The following ARL15 variants were observed in gnomAD, a reference collection of about 807,000 sequenced individuals.
ARL15 encodes the protein ARF like GTPase 15, also known as ADP-ribosylation factor-like protein 15.
In ARL15, 19 loss-of-function variants were observed where a neutral mutation model predicts 25.2. That is an observed-to-expected ratio of 0.75 (90% CI 0.53 to 1.10). The LOEUF (loss-of-function observed/expected upper bound fraction) is 1.10, where lower values mean the gene tolerates loss of function less well. Among genes scored for constraint, ARL15 ranks in the 50% least tolerant of loss-of-function variants. ARL15 has a pLI of 0.00. For synonymous variants in ARL15, 94 were observed against 86.8 expected (o/e 1.08, Z -0.46); for missense variants, 220 against 246.0 (o/e 0.89, Z 0.71).
intron 4 of ARL15, among the ~76,000 whole-genome samples, chr5:53,992,489 T>C (rs568128795): frequency 5.3e-5 from 8 of 152,350 alleles, no homozygotes; most frequent in Non-Finnish European, 8.8e-5. Context: ...AGGCAATACT[T>C]TTATGGCAGT....
At chr5:54,139,642 A>G (rs1325119672) in intron 3 of ARL15, among the ~76,000 whole-genome samples, 1 of 152,106 alleles carries the variant, frequency 6.6e-6, no homozygotes, top group African/African-American at 2.4e-5. Context: ...ACCAAAAACC[A>G]CTTGTACCTC....
intron 4 of ARL15, among the ~76,000 whole-genome samples, chr5:54,078,697 A>G (rs1226706249): frequency 4.6e-5 from 3 of 65,330 alleles, no homozygotes; most frequent in Non-Finnish European, 1.1e-4. Context: ...AACATTTCCT[A>G]AACAAAACAA....
chr5:53,925,675 GCAT>G (rs1745995779), intron 4 of ARL15, among the ~76,000 whole-genome samples: 1 of 152,080 alleles, frequency 6.6e-6, no homozygotes, highest in South Asian at 2.1e-4. Flanking sequence ...GGGCATGGTG[GCAT>G]GTGCCTGTAG....
intron 3 of ARL15, among the ~76,000 whole-genome samples, chr5:54,141,265 T>TA (rs1360312527): frequency 6.6e-6 from 1 of 152,200 alleles, no homozygotes; most frequent in Non-Finnish European, 1.5e-5. Context: ...TTCTTTATCT[T>TA]AGAGTTTGAA....
At chr5:54,059,198 A>G (rs1343903560) in intron 4 of ARL15, among the ~76,000 whole-genome samples, 1 of 152,228 alleles carries the variant, frequency 6.6e-6, no homozygotes, top group Non-Finnish European at 1.5e-5. Context: ...ATAGAAACAC[A>G]GGAATTAAGT....
At chr5:54,263,013 T>A (rs948711427) in intron 1 of ARL15, among the ~76,000 whole-genome samples, 9 of 152,180 alleles carry the variant, frequency 5.9e-5, no homozygotes, top group African/African-American at 1.9e-4. Flanking sequence ...GAAAGTAGGA[T>A]AACAATATGG....
intron 4 of ARL15, among the ~76,000 whole-genome samples, chr5:54,006,320 A>G (rs1420868240): frequency 1.3e-5 from 2 of 152,282 alleles, no homozygotes; most frequent in Middle Eastern, 3.4e-3. Context: ...AAAATTAAAT[A>G]CAAGTATTTC....
chr5:54,001,328 C>A (rs1748843155), intron 4 of ARL15, among the ~76,000 whole-genome samples: 1 of 152,236 alleles, frequency 6.6e-6, no homozygotes, highest in East Asian at 1.9e-4. Context: ...TATCCTAGTG[C>A]CTAACAGAGT....
chr5:53,939,753 T>TAAAG (rs1198965115), intron 4 of ARL15, among the ~76,000 whole-genome samples: 1 of 151,398 alleles, frequency 6.6e-6, no homozygotes, highest in Non-Finnish European at 1.5e-5. Flanking sequence ...TAAAATAAAA[T>TAAAG]AAAGAAAGAA....
intron 4 of ARL15, among the ~76,000 whole-genome samples, chr5:54,101,409 A>G (rs538284764): frequency 6.6e-6 from 1 of 152,264 alleles, no homozygotes; most frequent in African/African-American, 2.4e-5. Flanking sequence ...AGTGTTTTAT[A>G]AAAAAGCAAT....
rs118009419 is a variant in ARL15 at position 54,298,864 on chromosome 5, T to C, written c.48+11568A>G. Among the ~76,000 whole-genome samples, 21 of 149,562 alleles carry C rather than the reference T, an allele frequency of 1.4e-4. No homozygotes were observed. In the East Asian group the frequency reaches 4.1e-3, roughly 29 times the overall value. ...CCTCTCAGTTCTCTTTCTCCCAGACTCCTCTTTCTGGTTGCTGTTGGTTTT... is the reference window on the plus strand; with the variant it reads ...CCTCTCAGTTCTCTTTCTCCCAGACCCCTCTTTCTGGTTGCTGTTGGTTTT... On this transcript the variant is annotated intron_variant, in intron 1 of 4. Coordinates refer to ENST00000504924, the MANE Select transcript of ARL15 (RefSeq NM_019087.3).
intron 4 of ARL15, among the ~76,000 whole-genome samples, chr5:54,023,660 T>A (rs751643595): frequency 6.6e-5 from 10 of 152,140 alleles, no homozygotes; most frequent in Non-Finnish European, 1.2e-4. Context: ...CTGACCTTCC[T>A]CCTCCCTTCC....
intron 4 of ARL15, among the ~76,000 whole-genome samples, chr5:53,908,340 A>G (rs1454424734): frequency 1.3e-5 from 2 of 152,078 alleles, no homozygotes; most frequent in African/African-American, 4.8e-5. Context: ...TCAAAAAAAA[A>G]TTGCACACGT....
At chr5:53,977,113 C>T (rs565607370) in intron 4 of ARL15, among the ~76,000 whole-genome samples, 29 of 152,250 alleles carry the variant, frequency 1.9e-4, no homozygotes, top group South Asian at 1.9e-3. Context: ...AATCCCAGCA[C>T]TTTGGGAGGC....
At chr5:54,057,565 T>C (rs904144141) in intron 4 of ARL15, among the ~76,000 whole-genome samples, 10 of 152,212 alleles carry the variant, frequency 6.6e-5, no homozygotes, top group African/African-American at 2.4e-4. Context: ...AAGCATACTA[T>C]TGATGGGGCA....
chr5:53,935,819 G>A (rs1045288761), intron 4 of ARL15, among the ~76,000 whole-genome samples: 5 of 152,106 alleles, frequency 3.3e-5, no homozygotes, highest in African/African-American at 1.2e-4. Flanking sequence ...ACAGTGGTGC[G>A]ATCTCGGCAA....
chr5:54,063,216 G>A (rs182985060), intron 4 of ARL15, among the ~76,000 whole-genome samples: 1 of 152,352 alleles, frequency 6.6e-6, no homozygotes, highest in East Asian at 1.9e-4. Flanking sequence ...AGTACAACTG[G>A]CTTATGCCTT....
chr5:54,304,031 G>T (rs1021231897), intron 1 of ARL15, among the ~76,000 whole-genome samples: 1 of 152,220 alleles, frequency 6.6e-6, no homozygotes, highest in Non-Finnish European at 1.5e-5. Flanking sequence ...GGGGACAAGG[G>T]CGCATCAGCC....
chr5:53,933,304 C>T (rs1482351715), intron 4 of ARL15, among the ~76,000 whole-genome samples: 1 of 152,106 alleles, frequency 6.6e-6, no homozygotes, highest in Non-Finnish European at 1.5e-5. Flanking sequence ...GAATAGCATT[C>T]TTTCACAGAT....
Sources: gnomAD v4.1 joint callset for allele counts (sites outside exome capture counted in the v4.1 genomes callset) on GRCh38, gnomAD v4.1.1 for gene constraint, MANE v1.5 for transcripts, NCBI Gene and HGNC (gene_info 2026-07-23, HGNC 2026-07-21) for gene names.